EIF2AK1: variants seen among roughly 807,000 people sequenced by gnomAD.
The protein encoded by EIF2AK1 is eukaryotic translation initiation factor 2 alpha kinase 1.
A neutral mutation model predicts 77.9 loss-of-function variants in EIF2AK1; 54 were observed. That is an observed-to-expected ratio of 0.69 (90% CI 0.56 to 0.87). The LOEUF is 0.87. Among genes scored for constraint, EIF2AK1 ranks in the 40% least tolerant of loss-of-function variants. The pLI is 0.00. For missense variants in EIF2AK1, 810 were observed against 768.6 expected (o/e 1.05, Z -0.64); for synonymous variants, 314 against 290.5 (o/e 1.08, Z -0.82).
intron 14 of EIF2AK1, among the ~76,000 whole-genome samples, chr7:6,025,824 G>C (rs537448535): frequency 5.3e-5 from 8 of 152,012 alleles, no homozygotes; most frequent in African/African-American, 1.9e-4. Context: ...TAGTAGATGG[G>C]GTTTCACCAT....
chr7:6,023,775 A>C lies in EIF2AK1; in HGVS notation c.*898T>G, dbSNP rs775756518. The C allele has an allele frequency of 1.6e-5, 26 of 1,604,868 alleles. No homozygotes were observed. In the African/African-American group the frequency reaches 3.3e-4, roughly 21 times the overall value. ...TTATCAGTAAGGGGACTTGTATTAG[A>C]GTCAGAGTCTTTTTATTTAGGCCAG... is the stretch of plus-strand genomic sequence containing the variant. On this transcript the variant is annotated 3_prime_UTR_variant, in exon 15 of 15. Transcript: ENST00000199389.
chr7:6,049,344 C>G (rs1788538376), intron 3 of EIF2AK1, among the ~76,000 whole-genome samples: 1 of 152,166 alleles, frequency 6.6e-6, no homozygotes, highest in Non-Finnish European at 1.5e-5. Flanking sequence ...GAGTTCGAGA[C>G]CAGCCTGGCC....
Position 6,036,027 on chromosome 7 carries a change from T to C in EIF2AK1, c.1332+1397A>G. 6.4e-7 allele frequency: 1 copy of C among 1,551,104 alleles called. No individual in the cohort carries two copies. The highest frequency in any genetic ancestry group is 8.7e-7 in the Non-Finnish European group (1 of 1,147,144). On this transcript the variant is annotated intron_variant, in intron 11 of 14. Transcript: ENST00000199389. The surrounding 1 kb of genome is among the most constrained non-coding windows in gnomAD (Gnocchi z 4.6). ...GGCAATCATCAATCTCCTGCTTGAA[T>C]TTGAAGCAAATGTTAACATTTTAAC... is the stretch of plus-strand genomic sequence containing the variant.
chr7:6,023,908 C>G lies in EIF2AK1; in HGVS notation c.*765G>C. ...TGATGACTGCCAACTCCATGGCAGA[C>G]CCTTTCTGGGATTCAAAAACCAATT... On this transcript the variant is annotated 3_prime_UTR_variant, in exon 15 of 15. Transcript: ENST00000199389. The G allele has an allele frequency of 9.4e-6, 14 of 1,494,466 alleles. No individual in the cohort carries two copies. The highest frequency in any genetic ancestry group is 1.3e-5 in the Non-Finnish European group (14 of 1,118,808). 92.6% of individuals were successfully genotyped at this position (1,494,466 alleles called of 1,614,324 possible). A position where few individuals can be genotyped will look rare whatever the true frequency, so the allele number is the denominator to read the frequency against.
chr7:6,038,331 A>G (rs147822470), intron 10 of EIF2AK1, among the ~76,000 whole-genome samples: 15 of 152,318 alleles, frequency 9.8e-5, no homozygotes, highest in African/African-American at 3.6e-4. Flanking sequence ...GCTACTCAGG[A>G]GGCTGAGGTG....
intron 4 of EIF2AK1, chr7:6,047,610 T>G (rs1032365650): frequency 3.5e-5 from 6 of 169,742 alleles, no homozygotes; most frequent in Non-Finnish European, 3.8e-5. Flanking sequence ...GAGGCAGAGA[T>G]TGCAGTGAGC....
intron 5 of EIF2AK1, chr7:6,046,744 A>G: frequency 6.2e-6 from 2 of 323,464 alleles, no homozygotes; most frequent in South Asian, 8.6e-5. Context: ...TCTATTAAAA[A>G]TACAAAAATT....
intron 1 of EIF2AK1, 76 bp downstream of exon 1, chr7:6,058,890 C>T: frequency 3.0e-6 from 4 of 1,342,700 alleles, no homozygotes; most frequent in Non-Finnish European, 3.0e-6. Context: ...AGGCAAACCT[C>T]AGGGCTGCCT....
Position 6,035,343 on chromosome 7 carries a change from G to A in EIF2AK1, c.1332+2081C>T, listed in dbSNP as rs1389227135. 3 of 1,129,838 alleles carry A rather than the reference G, an allele frequency of 2.7e-6. No homozygotes were observed. Among genetic ancestry groups the A allele is most frequent in the Admixed American group, 2.6e-5 (1 of 38,924 alleles). 70.0% of individuals were successfully genotyped at this position (1,129,838 alleles called of 1,614,324 possible). On this transcript the variant is annotated intron_variant, in intron 11 of 14. Coordinates refer to ENST00000199389, the MANE Select transcript of EIF2AK1 (RefSeq NM_014413.4). This position sits in a 1 kb window ranked among gnomAD's most constrained non-coding sequence, Gnocchi z 5.5. ...AACACGTCCTTAAGGTAATTGAAGG[G>A]TCTTACTTTAAATAAATACTGGCTT...
intron 11 of EIF2AK1, among the ~76,000 whole-genome samples, chr7:6,034,915 C>T (rs987135498): frequency 1.3e-5 from 2 of 152,112 alleles, no homozygotes; most frequent in African/African-American, 2.4e-5. Flanking sequence ...AGAAAAATGT[C>T]GGGTAGGAGA....
Position 6,023,524 on chromosome 7 carries a change from A to G in EIF2AK1, c.*1149T>C. The stretch of plus-strand genomic sequence containing the variant: ...CTCCATGAACTCTGCTCTTGGGAAG[A>G]GCCCTTGGCTCGCTGGGAATGAACT... On this transcript the variant is annotated 3_prime_UTR_variant, in exon 15 of 15. Transcript: ENST00000199389. 1 of 1,614,226 alleles carries G rather than the reference A, an allele frequency of 6.2e-7. No homozygotes were observed. Among genetic ancestry groups the G allele is most frequent in the Middle Eastern group, 1.7e-4 (1 of 6,060 alleles).
chr7:6,024,786 G>T lies in EIF2AK1; in HGVS notation c.1780C>A (p.Gln594Lys). ...TTTTCTTGCTCTATTATCTTCATCTGTAGGGTGAGGTTAACCTGTAAGGAG... is the reference window on the plus strand; with the variant it reads ...TTTTCTTGCTCTATTATCTTCATCTTTAGGGTGAGGTTAACCTGTAAGGAG... ...QNSGNVNLTLQMKIIEQEKEI... is the reference protein window; with the variant it reads ...QNSGNVNLTLKMKIIEQEKEI... Residue 594 changes from glutamine to lysine, a missense_variant, in exon 15 of 15, where the codon CAG (glutamine) becomes AAG (lysine). By Grantham distance (53) the Gln-to-Lys change is moderately conservative. This residue lies in a region of EIF2AK1 where 549 missense variants were observed against 533.7 expected (regional missense o/e 1.03). Transcript: ENST00000199389. The T allele has an allele frequency of 6.4e-7, 1 of 1,551,162 alleles. No individual in the cohort carries two copies. Among genetic ancestry groups the T allele is most frequent in the Non-Finnish European group, 8.7e-7 (1 of 1,155,614 alleles).
Position 6,028,699 on chromosome 7 carries a change from T to C in EIF2AK1, c.1448-2A>G. On this transcript the variant is annotated splice_acceptor_variant, in intron 12 of 14. Transcript: ENST00000199389. LOFTEE classifies it high-confidence loss of function. ...CTCTGGACGTATGTGTTGGTGTTCCTATCATTTCAAAAGCCACATATTAAA... is the reference window on the plus strand; with the variant it reads ...CTCTGGACGTATGTGTTGGTGTTCCCATCATTTCAAAAGCCACATATTAAA... The C allele has an allele frequency of 6.2e-7, 1 of 1,614,058 alleles. No homozygotes were observed. Among genetic ancestry groups the C allele is most frequent in the Non-Finnish European group, 8.5e-7 (1 of 1,179,886 alleles).
chr7:6,053,632 G>A (rs1472153654), intron 2 of EIF2AK1, among the ~76,000 whole-genome samples: 2 of 151,306 alleles, frequency 1.3e-5, no homozygotes, highest in East Asian at 3.9e-4. Flanking sequence ...CAAAGTGCTG[G>A]GATTACAGGC....
chr7:6,024,673 T>G lies in EIF2AK1; in HGVS notation c.1893A>C (p.Ter631CysextTer4). 6.2e-7 allele frequency: 1 copy of G among 1,613,944 alleles called. No individual in the cohort carries two copies. The highest frequency in any genetic ancestry group is 8.5e-7 in the Non-Finnish European group (1 of 1,179,970). ...RDDGKDGGVG[*>C] ...ACTACCTTAAAAGTTAAGTCCACTT[T>G]CATCCCACGCCCCCATCCTTTCCGT... is the stretch of plus-strand genomic sequence containing the variant. The change falls in exon 15 of 15, where the codon TGA becomes TGC. Residue 631 changes from the stop codon to cysteine (C), a stop_lost. Transcript: ENST00000199389.
intron 2 of EIF2AK1, among the ~76,000 whole-genome samples, chr7:6,054,111 T>C (rs1466894422): frequency 6.6e-6 from 1 of 152,154 alleles, no homozygotes; most frequent in Non-Finnish European, 1.5e-5. Context: ...TCCCAGCCTC[T>C]GGGAACCATC....
intron 13 of EIF2AK1, 128 bp downstream of exon 13, chr7:6,028,487 G>A (rs888116862): frequency 5.1e-5 from 41 of 804,538 alleles, no homozygotes; most frequent in South Asian, 2.6e-4. Flanking sequence ...CCTGACCTCC[G>A]GTGATCCACC....
At position 6,024,667 on chromosome 7, in the gene EIF2AK1, C is replaced by T. The variant is rs769044124; in HGVS notation, c.*6G>A. On this transcript the variant is annotated 3_prime_UTR_variant, in exon 15 of 15. Transcript: ENST00000199389. ...CAGTTAACTACCTTAAAAGTTAAGT[C>T]CACTTTCATCCCACGCCCCCATCCT... is the stretch of plus-strand genomic sequence containing the variant. 24 of 1,613,844 alleles carry T rather than the reference C, an allele frequency of 1.5e-5. No homozygotes were observed. The highest frequency in any genetic ancestry group is 1.9e-5 in the Non-Finnish European group (23 of 1,179,934).
chr7:6,058,189 C>T (rs1374710908), intron 1 of EIF2AK1: 1 of 455,078 alleles, frequency 2.2e-6, no homozygotes. Context: ...GCGGGAGAAT[C>T]GCTTGAGGCC....
Sources: allele counts gnomAD v4.1 joint callset (sites outside exome capture counted in the v4.1 genomes callset), GRCh38; gene constraint gnomAD v4.1.1; regional missense constraint gnomAD v4.1.1; non-coding constraint Gnocchi (gnomAD v3.1); transcripts MANE v1.5; gene names NCBI Gene and HGNC (gene_info 2026-07-23, HGNC 2026-07-21).